KLHL32: variants seen among roughly 807,000 people sequenced by gnomAD.
KLHL32 encodes the protein kelch like family member 32, also known as kelch-like protein 32.
In KLHL32, 35 loss-of-function variants were observed where a neutral mutation model predicts 64.8. That is an observed-to-expected ratio of 0.54 (90% CI 0.41 to 0.72). KLHL32 has a LOEUF of 0.72. KLHL32 is among the 30% of genes least tolerant of loss of function. KLHL32 has a pLI of 0.00. For missense variants in KLHL32, 589 were observed against 768.5 expected (o/e 0.77, Z 2.76); for synonymous variants, 259 against 281.0 (o/e 0.92, Z 0.78).
chr6:97,038,584 TA>T (rs1784637806), intron 3 of KLHL32, among the ~76,000 whole-genome samples: 1 of 152,118 alleles, frequency 6.6e-6, no homozygotes, highest in South Asian at 2.1e-4. Flanking sequence ...GTACAGCCAC[TA>T]TGGAGAATGG....
chr6:96,917,042 C>T, the KLHL32 span, among the ~76,000 whole-genome samples: 1 of 152,296 alleles, frequency 6.6e-6, no homozygotes, highest in Middle Eastern at 3.4e-3. Flanking sequence ...CCTATGTATA[C>T]TTTATATAAG....
intron 3 of KLHL32, among the ~76,000 whole-genome samples, chr6:97,014,610 A>G (rs1780884512): frequency 6.6e-6 from 1 of 152,204 alleles, no homozygotes; most frequent in Admixed American, 6.5e-5. Context: ...CTGATTGTCT[A>G]CTATAAGCCA....
At chr6:97,000,757 C>A (rs927365265) in intron 3 of KLHL32, among the ~76,000 whole-genome samples, 1 of 152,066 alleles carries the variant, frequency 6.6e-6, no homozygotes, top group African/African-American at 2.4e-5. Context: ...AAATACTGCA[C>A]ATAATTTCCA....
At chr6:97,131,654 A>G (rs1284820266) in intron 9 of KLHL32, among the ~76,000 whole-genome samples, 1 of 152,182 alleles carries the variant, frequency 6.6e-6, no homozygotes, top group Non-Finnish European at 1.5e-5. Flanking sequence ...GTCTGCTCAA[A>G]TAATAGGAAA....
chr6:96,901,328 CTT>C, the KLHL32 span, among the ~76,000 whole-genome samples: 577 of 146,772 alleles, frequency 3.9e-3, no homozygotes, highest in Middle Eastern at 6.9e-3. Context: ...TCCTGGATGC[CTT>C]TTTTTTTTTT....
intron 8 of KLHL32, among the ~76,000 whole-genome samples, chr6:97,129,146 C>T (rs551567060): frequency 2.6e-5 from 4 of 152,274 alleles, no homozygotes; most frequent in African/African-American, 7.2e-5. Flanking sequence ...CACTTCTTTT[C>T]TTGAGTGTAT....
chr6:97,012,249 G>A (rs1469572599), intron 3 of KLHL32, among the ~76,000 whole-genome samples: 1 of 152,184 alleles, frequency 6.6e-6, no homozygotes, highest in Non-Finnish European at 1.5e-5. Flanking sequence ...GGACCTTGAG[G>A]TGGCAATACT....
chr6:96,962,272 C>T (rs1773963174), intron 1 of KLHL32, among the ~76,000 whole-genome samples: 1 of 152,186 alleles, frequency 6.6e-6, no homozygotes, highest in Non-Finnish European at 1.5e-5. Context: ...TAGACCCCAT[C>T]AATCCTATGT....
At chr6:96,948,926 C>T (rs1772241554) in intron 1 of KLHL32, among the ~76,000 whole-genome samples, 1 of 152,142 alleles carries the variant, frequency 6.6e-6, no homozygotes, top group African/African-American at 2.4e-5. Flanking sequence ...TCTGAAATTA[C>T]AAAACATAAT....
intron 3 of KLHL32, among the ~76,000 whole-genome samples, chr6:97,011,482 T>C (rs539158300): frequency 6.6e-6 from 1 of 152,306 alleles, no homozygotes; most frequent in East Asian, 1.9e-4. Context: ...AAAAGGAAAT[T>C]TGTGCCTTTT....
At chr6:97,058,124 A>T (rs1190063788) in intron 4 of KLHL32, among the ~76,000 whole-genome samples, 1 of 152,072 alleles carries the variant, frequency 6.6e-6, no homozygotes, top group African/African-American at 2.4e-5. Context: ...TCTTTTGCCA[A>T]TGTCACACTG....
chr6:97,050,919 C>T (rs1207074693), intron 4 of KLHL32, among the ~76,000 whole-genome samples: 2 of 152,172 alleles, frequency 1.3e-5, no homozygotes, highest in South Asian at 2.1e-4. Flanking sequence ...AGGAGAACCG[C>T]TTGAACTCGG....
chr6:97,129,218 A>G (rs1235581561), intron 8 of KLHL32, among the ~76,000 whole-genome samples: 1 of 152,112 alleles, frequency 6.6e-6, no homozygotes, highest in Non-Finnish European at 1.5e-5. Flanking sequence ...CAAAATGTTT[A>G]TTGTTGTTGT....
chr6:96,916,371 C>CT, the KLHL32 span, among the ~76,000 whole-genome samples: 1 of 144,928 alleles, frequency 6.9e-6, no homozygotes, highest in Non-Finnish European at 1.5e-5. Context: ...GAAGTACAGT[C>CT]TTTCTCAGGA....
intron 3 of KLHL32, among the ~76,000 whole-genome samples, chr6:96,988,765 T>C (rs1010503159): frequency 6.6e-6 from 1 of 152,220 alleles, no homozygotes; most frequent in Admixed American, 6.5e-5. Context: ...CATGGAATAC[T>C]ATGCAACCAT....
intron 6 of KLHL32, among the ~76,000 whole-genome samples, chr6:97,089,907 G>A (rs1387639051): frequency 6.6e-6 from 1 of 152,132 alleles, no homozygotes; most frequent in East Asian, 1.9e-4. Context: ...AAAATTTGCT[G>A]GCTATGTGAG....
upstream of KLHL32, among the ~76,000 whole-genome samples, chr6:96,920,852 C>T (rs1294977147): frequency 6.6e-6 from 1 of 152,094 alleles, no homozygotes. Context: ...CATGAGTATC[C>T]TTTCACATAA....
intron 5 of KLHL32, among the ~76,000 whole-genome samples, chr6:97,068,291 T>A (rs1790138783): frequency 6.6e-6 from 1 of 152,188 alleles, no homozygotes; most frequent in African/African-American, 2.4e-5. Flanking sequence ...TAATATGCAA[T>A]TTAAATGTAT....
intron 3 of KLHL32, among the ~76,000 whole-genome samples, chr6:97,000,889 T>C (rs1225259200): frequency 6.6e-6 from 1 of 152,168 alleles, no homozygotes; most frequent in East Asian, 1.9e-4. Context: ...AATGCATGGG[T>C]GAAACTTGAA....
Sources: allele counts gnomAD v4.1 joint callset (sites outside exome capture counted in the v4.1 genomes callset), GRCh38; gene constraint gnomAD v4.1.1; transcripts MANE v1.5; gene names NCBI Gene and HGNC (gene_info 2026-07-23, HGNC 2026-07-21).